The following VCAN variants were observed in gnomAD, a reference collection of about 807,000 sequenced individuals.
VCAN encodes the protein versican core protein.
A neutral mutation model predicts 245.5 loss-of-function variants in VCAN; 44 were observed. The observed-to-expected ratio is 0.18, with a 90% CI of 0.14 to 0.23. The LOEUF (loss-of-function observed/expected upper bound fraction) is 0.23, where lower values mean the gene tolerates loss of function less well. Among genes scored for constraint, VCAN ranks in the 10% least tolerant of loss-of-function variants. The pLI is 1.00. For synonymous variants in VCAN, 1,413 were observed against 1,437.0 expected (o/e 0.98, Z 0.38); for missense variants, 3,793 against 4,057.9 (o/e 0.93, Z 1.77).
intron 1 of VCAN, among the ~76,000 whole-genome samples, chr5:83,475,848 T>G (rs1256692569): frequency 6.6e-6 from 1 of 152,174 alleles, no homozygotes; most frequent in Non-Finnish European, 1.5e-5. Flanking sequence ...ATGTCAGAAT[T>G]CAAAGTTTTG....
At chr5:83,483,373 A>G (rs1744677901) in intron 1 of VCAN, 140 bp from the exon 2 acceptor site, 1 of 690,904 alleles carries the variant, frequency 1.4e-6, no homozygotes, top group African/African-American at 1.8e-5. Flanking sequence ...TTATAGTCCA[A>G]GAGGAGCTAC....
At chr5:83,499,339 A>T (rs891220535) in intron 5 of VCAN, among the ~76,000 whole-genome samples, 1 of 152,132 alleles carries the variant, frequency 6.6e-6, no homozygotes, top group Non-Finnish European at 1.5e-5. Context: ...ATAAACTTCT[A>T]TATGTTTCCC....
intron 2 of VCAN, among the ~76,000 whole-genome samples, chr5:83,488,641 T>G (rs940743896): frequency 6.6e-6 from 1 of 152,260 alleles, no homozygotes; most frequent in Admixed American, 6.5e-5. Context: ...CTTAGCAATA[T>G]TTCAAAGGAT....
rs1294243783 is a variant in VCAN at position 83,521,170 on chromosome 5, T to G, written c.2864T>G (p.Val955Gly). The change falls in exon 7 of 15, where the codon GTT becomes GGT. Residue 955 changes from valine (V) to glycine (G), a missense_variant. Around this residue, in one of 5 missense-constraint regions of VCAN, gnomAD observed 3,182 missense variants for 3,250.3 expected, o/e 0.98. Coordinates refer to ENST00000265077, the MANE Select transcript of VCAN (RefSeq NM_004385.5). ...HTSEVEGLAF[V>G]SYSSTQEPTT... ...TCAGAGGTGGAAGGATTAGCATTTG[T>G]TAGTTATAGTAGCACCCAAGAGCCT... The G allele has an allele frequency of 6.2e-7, 1 of 1,613,572 alleles. No individual in the cohort carries two copies. Among genetic ancestry groups the G allele is most frequent in the Non-Finnish European group, 8.5e-7 (1 of 1,179,626 alleles).
chr5:83,508,793 T>C (rs572858195), intron 5 of VCAN, among the ~76,000 whole-genome samples: 8 of 152,340 alleles, frequency 5.3e-5, no homozygotes, highest in African/African-American at 1.9e-4. Context: ...CCAATGGTAA[T>C]GTTTCTTGCA....
chr5:83,551,565 T>C lies in VCAN; in HGVS notation c.9494-1799T>C, dbSNP rs76907251. On this transcript the variant is annotated intron_variant, in intron 10 of 14. Transcript: ENST00000265077. ...AAAGGGGAAACCAAACTAAAACCAATTGGGTTAATAGCAGATAAAAAAGGG... is the reference window on the plus strand; with the variant it reads ...AAAGGGGAAACCAAACTAAAACCAACTGGGTTAATAGCAGATAAAAAAGGG... 9.6e-3 allele frequency among the ~76,000 whole-genome samples: 1,464 copies of C among 152,048 alleles called. 14 individuals are homozygous for C. Among genetic ancestry groups the C allele is most frequent in the Non-Finnish European group, 0.013 (886 of 67,956 alleles).
chr5:83,541,679 A>G lies in VCAN; in HGVS notation c.8676A>G (p.Leu2892=). Residue 2892 remains leucine (L), a synonymous_variant, in exon 8 of 15, where the codon TTA becomes TTG. Coordinates refer to ENST00000265077, the MANE Select transcript of VCAN (RefSeq NM_004385.5). The part of the protein sequence containing the change: ...EYLHITEPPS[L]SPDTKLEPSE... ...TTCACATAACTGAGCCTCCCTCTTTATCTCCTGACACAAAATTAGAACCTT... is the reference window on the plus strand; with the variant it reads ...TTCACATAACTGAGCCTCCCTCTTTGTCTCCTGACACAAAATTAGAACCTT... 1 of 1,613,890 alleles carries G rather than the reference A, an allele frequency of 6.2e-7. No homozygotes were observed. The highest frequency in any genetic ancestry group is 8.5e-7 in the Non-Finnish European group (1 of 1,179,996).
chr5:83,550,755 C>T (rs974917752), intron 10 of VCAN, among the ~76,000 whole-genome samples: 2 of 151,706 alleles, frequency 1.3e-5, no homozygotes, highest in South Asian at 2.1e-4. Flanking sequence ...GGTGTGGTGG[C>T]GGGTGCCTGT....
intron 10 of VCAN, among the ~76,000 whole-genome samples, chr5:83,549,095 T>G (rs1224018970): frequency 6.6e-6 from 1 of 152,182 alleles, no homozygotes; most frequent in Non-Finnish European, 1.5e-5. Flanking sequence ...GTAAAAACAT[T>G]AGAAAGATGG....
Position 83,521,522 on chromosome 5 carries a change from A to G in VCAN, c.3216A>G (p.Ala1072=), listed in dbSNP as rs1746099004. 6.2e-7 allele frequency: 1 copy of G among 1,614,084 alleles called. No individual in the cohort carries two copies. Among genetic ancestry groups the G allele is most frequent in the South Asian group, 1.1e-5 (1 of 91,090 alleles). ...ATGAACAAGAGGGCGATGGATCAGCATATACAGTCTCTGAAGATGAATTGT... is the reference window on the plus strand; with the variant it reads ...ATGAACAAGAGGGCGATGGATCAGCGTATACAGTCTCTGAAGATGAATTGT... The part of the protein sequence containing the change: ...PLDEQEGDGS[A]YTVSEDELLT... The change falls in exon 7 of 15, where the codon GCA becomes GCG. Residue 1072 remains alanine, a synonymous_variant. Coordinates refer to ENST00000265077, the MANE Select transcript of VCAN (RefSeq NM_004385.5).
chr5:83,568,093 C>T (rs978710611), intron 12 of VCAN, among the ~76,000 whole-genome samples: 5 of 151,722 alleles, frequency 3.3e-5, no homozygotes, highest in African/African-American at 9.7e-5. Flanking sequence ...TAACATTTAA[C>T]TTTAGTGAAA....
At chr5:83,578,232 C>G (rs1376956410) in intron 13 of VCAN, among the ~76,000 whole-genome samples, 2 of 151,934 alleles carry the variant, frequency 1.3e-5, no homozygotes, top group East Asian at 1.9e-4. Context: ...AACACAGGAA[C>G]AGAAAACCAA....
Position 83,537,812 on chromosome 5 carries a change from A to G in VCAN, c.4809A>G (p.Leu1603=), listed in dbSNP as rs1205185691. Residue 1603 remains leucine, a synonymous_variant, in exon 8 of 15, where the codon CTA becomes CTG. Transcript: ENST00000265077. Reference sequence around the variant, plus strand: ...TTTCAGAGGAAGAAGCAGTTACCCTAATAGGAAATCCTTGGCCAGATGACC... The same window carrying G: ...TTTCAGAGGAAGAAGCAGTTACCCTGATAGGAAATCCTTGGCCAGATGACC... ...AYVSEEEAVT[L]IGNPWPDDLL... 6.2e-7 allele frequency: 1 copy of G among 1,613,924 alleles called. No individual in the cohort carries two copies. Among genetic ancestry groups the G allele is most frequent in the Non-Finnish European group, 8.5e-7 (1 of 1,179,962 alleles).
In VCAN at chr5:83,540,043, C is replaced by T. The variant is rs764322664; in HGVS notation, c.7040C>T (p.Ala2347Val). 7 of 1,614,036 alleles carry T rather than the reference C, an allele frequency of 4.3e-6. No homozygotes were observed. Among genetic ancestry groups the T allele is most frequent in the East Asian group, 2.2e-5 (1 of 44,870 alleles). Residue 2347 changes from alanine (A) to valine (V), a missense_variant, in exon 8 of 15, where the codon GCA becomes GTA. By Grantham distance (64) the Ala-to-Val change is moderately conservative. Around this residue, in one of 5 missense-constraint regions of VCAN, gnomAD observed 3,182 missense variants for 3,250.3 expected, o/e 0.98. Coordinates refer to ENST00000265077, the MANE Select transcript of VCAN (RefSeq NM_004385.5). ...ACTGGAGCAGAAGGACCCACGGTGG[C>T]ACCTCTCCCTTTCTCCACGGACATC... ...SDTGAEGPTV[A>V]PLPFSTDIGH...
intron 9 of VCAN, 60 bp downstream of exon 9, chr5:83,545,710 A>G: frequency 1.6e-6 from 2 of 1,266,432 alleles, no homozygotes; most frequent in Non-Finnish European, 2.3e-6. Flanking sequence ...TTGGGGGAGA[A>G]TTTATGTTGT....
intron 7 of VCAN, 75 bp from the exon 8 acceptor site, chr5:83,536,932 C>G: frequency 7.7e-7 from 1 of 1,306,906 alleles, no homozygotes; most frequent in Non-Finnish European, 1.0e-6. Flanking sequence ...GTGTGACCAG[C>G]CTTGCTATCA....
chr5:83,513,603 C>T (rs1371968363), intron 6 of VCAN, among the ~76,000 whole-genome samples: 2 of 152,212 alleles, frequency 1.3e-5, no homozygotes, highest in Non-Finnish European at 2.9e-5. Flanking sequence ...TAGCTTGCCA[C>T]AAGCTGGTCG....
intron 12 of VCAN, among the ~76,000 whole-genome samples, chr5:83,569,165 C>T (rs1236977213): frequency 1.3e-5 from 2 of 152,170 alleles, no homozygotes; most frequent in African/African-American, 4.8e-5. Context: ...ATGTCATTCA[C>T]ATCTGTGATT....
At chr5:83,501,080 T>C (rs1347307261) in intron 5 of VCAN, among the ~76,000 whole-genome samples, 2 of 152,246 alleles carry the variant, frequency 1.3e-5, no homozygotes, top group Non-Finnish European at 2.9e-5. Flanking sequence ...CATCTTTTTA[T>C]GTGCTTGCTA....
Sources: gnomAD v4.1 joint callset for allele counts (sites outside exome capture counted in the v4.1 genomes callset) on GRCh38, gnomAD v4.1.1 for gene constraint, gnomAD v4.1.1 regional missense constraint, MANE v1.5 for transcripts, NCBI Gene and HGNC (gene_info 2026-07-23, HGNC 2026-07-21) for gene names.